The following L3HYPDH variants were observed in gnomAD, a reference collection of about 807,000 sequenced individuals.
L3HYPDH encodes trans-L-3-hydroxyproline dehydratase.
A neutral mutation model predicts 26.5 loss-of-function variants in L3HYPDH; 32 were observed. The ratio of observed to expected loss-of-function variants is 1.21; its 90% CI spans 0.91 to 1.62. L3HYPDH has a LOEUF of 1.62. L3HYPDH is among the 40% of genes most tolerant of loss of function. The probability of loss-of-function intolerance (pLI) is 0.00; values close to 1 mark genes in which losing one functional copy is unlikely to be tolerated. For synonymous variants in L3HYPDH, 215 were observed against 196.6 expected, an observed-to-expected ratio of 1.09 and a Z score of -0.78; for missense variants, 554 against 476.4, an observed-to-expected ratio of 1.16 and a Z score of -1.52.
intron 1 of L3HYPDH, among the ~76,000 whole-genome samples, chr14:59,466,362 T>A (rs1889178660): frequency 6.6e-6 from 1 of 152,232 alleles, no homozygotes; most frequent in African/African-American, 2.4e-5. Flanking sequence ...GCATGGCCTC[T>A]AATGGGGAAA....
chr14:59,466,300 C>T (rs977312070), intron 1 of L3HYPDH, among the ~76,000 whole-genome samples: 7 of 152,094 alleles, frequency 4.6e-5, no homozygotes, highest in Non-Finnish European at 1.5e-5. Flanking sequence ...CTGGGAGATA[C>T]GGGGAAAAGA....
At chr14:59,495,254 G>GT in the L3HYPDH span, 315 of 544,900 alleles carry the variant, frequency 5.8e-4, no homozygotes, top group Non-Finnish European at 7.0e-4. Context: ...TAAGATCATT[G>GT]TTTTTTTTTA....
downstream of L3HYPDH, among the ~76,000 whole-genome samples, chr14:59,471,618 C>T (rs1016961769): frequency 1.3e-5 from 2 of 152,174 alleles, no homozygotes; most frequent in African/African-American, 4.8e-5. Flanking sequence ...AGTAAAACTA[C>T]CCCCTACCCT....
the L3HYPDH span, among the ~76,000 whole-genome samples, chr14:59,496,395 C>T: frequency 3.9e-3 from 595 of 151,760 alleles, 3 homozygotes; most frequent in African/African-American, 0.013. Context: ...CATAACTTAA[C>T]GTGGTCCTAT....
the L3HYPDH span, among the ~76,000 whole-genome samples, chr14:59,503,199 A>AAAAG: frequency 6.6e-6 from 1 of 152,192 alleles, no homozygotes. Context: ...CTAAAACGGA[A>AAAAG]AAAGACAGCT....
chr14:59,470,964 G>A (rs1237959810), downstream of L3HYPDH, among the ~76,000 whole-genome samples: 2 of 131,184 alleles, frequency 1.5e-5, no homozygotes, highest in African/African-American at 5.5e-5. Flanking sequence ...GCGGGGGGGG[G>A]GGGAGGGCAG....
At chr14:59,498,751 C>T in the L3HYPDH span, 55 of 1,570,068 alleles carry the variant, frequency 3.5e-5, no homozygotes, top group Admixed American at 1.4e-4. Context: ...TTATCTATTA[C>T]GCATTCTGCT....
At chr14:59,494,076 A>T in the L3HYPDH span, among the ~76,000 whole-genome samples, 1 of 151,930 alleles carries the variant, frequency 6.6e-6, no homozygotes, top group Admixed American at 6.6e-5. Flanking sequence ...TGAATTAAAG[A>T]TAAATGTGAA....
At chr14:59,493,207 A>G in the L3HYPDH span, among the ~76,000 whole-genome samples, 1 of 152,206 alleles carries the variant, frequency 6.6e-6, no homozygotes. Context: ...AATAAACAGA[A>G]ATTCACACCT....
At position 59,483,960 on chromosome 14, in the gene L3HYPDH, C is replaced by G. The variant is rs1367347206; in HGVS notation, c.357G>C (p.Gly119=). The part of the protein sequence containing the change: ...LALGRFALDF[G]LVPAPPAGTR... ...TGCCCGCAGGGGGCGCCGGCACAAG[C>G]CCGAAGTCCAAAGCGAAGCGGCCCA... Residue 119 remains glycine, a synonymous_variant, in exon 1 of 5, where the codon GGG becomes GGC. Coordinates refer to ENST00000247194, the MANE Select transcript of L3HYPDH (RefSeq NM_144581.2). 3 of 1,566,028 alleles carry G rather than the reference C, an allele frequency of 1.9e-6. No individual in the cohort carries two copies. Among genetic ancestry groups the G allele is most frequent in the Non-Finnish European group, 2.6e-6 (3 of 1,161,452 alleles).
At chr14:59,504,447 T>C in the L3HYPDH span, 1 of 183,408 alleles carries the variant, frequency 5.5e-6, no homozygotes. Flanking sequence ...GGCGTAATTG[T>C]ACTTACCTGT....
intron 2 of L3HYPDH, among the ~76,000 whole-genome samples, chr14:59,478,543 C>T (rs1413975308): frequency 6.6e-6 from 1 of 152,164 alleles, no homozygotes; most frequent in South Asian, 2.1e-4. Context: ...TATGATCACA[C>T]CACTGCACTA....
At chr14:59,484,531 C>A, upstream of L3HYPDH, 1 of 1,555,770 alleles carries the variant, frequency 6.4e-7, no homozygotes, top group Non-Finnish European at 8.7e-7. Context: ...CCCGGATGTT[C>A]GGTGCAGCTG....
At chr14:59,479,110 T>C (rs984694673) in intron 2 of L3HYPDH, 72 bp downstream of exon 2, 62 of 1,095,680 alleles carry the variant, frequency 5.7e-5, no homozygotes, top group Admixed American at 5.5e-4. Context: ...ATTTTCTTTA[T>C]AGACATAATA....
chr14:59,490,596 CAGAT>C, the L3HYPDH span, among the ~76,000 whole-genome samples: 2 of 152,082 alleles, frequency 1.3e-5, no homozygotes, highest in Admixed American at 1.3e-4. Flanking sequence ...AAAGGATGGT[CAGAT>C]AGAAATAGAA....
chr14:59,473,572 A>C (rs1349282953), intron 4 of L3HYPDH, among the ~76,000 whole-genome samples: 4 of 152,186 alleles, frequency 2.6e-5, no homozygotes, highest in African/African-American at 9.7e-5. Context: ...ACATTTGAGA[A>C]AGGAAGAAAG....
the L3HYPDH span, chr14:59,499,015 CTTTTTTTTTTTT>C: frequency 2.2e-3 from 280 of 127,030 alleles, no homozygotes; most frequent in South Asian, 5.0e-3. Context: ...TTGTTTAATC[CTTTTTTTTTTTT>C]TTTTTTTTTT....
Position 59,473,001 on chromosome 14 carries a change from A to G in L3HYPDH, c.1029T>C (p.Asp343=), listed in dbSNP as rs748305023. 1 of 1,608,302 alleles carries G rather than the reference A, an allele frequency of 6.2e-7. No individual in the cohort carries two copies. Among genetic ancestry groups the G allele is most frequent in the Non-Finnish European group, 8.5e-7 (1 of 1,177,918 alleles). ...YTGTASFIIE[D]DDPLRDGFLL... Reference sequence around the variant, plus strand: ...GAAATCCATCCCTCAATGGGTCGTCATCTTCTATTATAAAGCTTGCTGTAC... The same window carrying G: ...GAAATCCATCCCTCAATGGGTCGTCGTCTTCTATTATAAAGCTTGCTGTAC... Residue 343 remains aspartate, a synonymous_variant, in exon 5 of 5, where the codon GAT becomes GAC. Coordinates refer to ENST00000247194, the MANE Select transcript of L3HYPDH (RefSeq NM_144581.2).
At chr14:59,487,875 A>G, upstream of L3HYPDH, 5 of 1,542,562 alleles carry the variant, frequency 3.2e-6, no homozygotes, top group Non-Finnish European at 4.5e-6. Context: ...ATGTTGGAAT[A>G]ATTATCACTC....
Sources: gnomAD v4.1 joint callset for allele counts (sites outside exome capture counted in the v4.1 genomes callset) on GRCh38, gnomAD v4.1.1 for gene constraint, MANE v1.5 for transcripts, NCBI Gene and HGNC (gene_info 2026-07-23, HGNC 2026-07-21) for gene names.